NHS: variants seen among roughly 807,000 people sequenced by gnomAD.
NHS encodes actin remodeling regulator NHS.
NHS carries 5 observed loss-of-function variants against 72.5 expected under a neutral mutation model. That is an observed-to-expected ratio of 0.07 (90% CI 0.04 to 0.14). NHS has a LOEUF of 0.14. NHS is among the 10% of genes least tolerant of loss of function. NHS has a pLI of 1.00. For synonymous variants in NHS, 464 were observed against 547.7 expected (o/e 0.85, Z 2.13); for missense variants, 1,072 against 1,355.7 (o/e 0.79, Z 3.29).
At chrX:17,641,703 T>G (rs967478873) in intron 1 of NHS, among the ~76,000 whole-genome samples, 1 of 110,065 alleles carries the variant, frequency 9.1e-6, no homozygotes, top group African/African-American at 3.3e-5. Context: ...TTCAGCATTC[T>G]GTGAAAGAAC....
chrX:17,660,906 T>C (rs1333372114), intron 1 of NHS, among the ~76,000 whole-genome samples: 1 of 112,610 alleles, frequency 8.9e-6, no homozygotes, highest in East Asian at 2.8e-4. Context: ...AAGTTGAGGA[T>C]TCCCAAAGAT....
chrX:17,726,618 C>T lies in NHS; in HGVS notation c.2512C>T (p.Pro838Ser), dbSNP rs1459142294. 8.3e-7 allele frequency: 1 copy of T among 1,211,825 alleles called. No individual in the cohort carries two copies. Among genetic ancestry groups the T allele is most frequent in the Non-Finnish European group, 1.1e-6 (1 of 895,570 alleles). The change falls in exon 7 of 9, where the codon CCA becomes TCA. Residue 838 changes from proline (P) to serine (S), a missense_variant. Pro to Ser is a moderately conservative substitution (Grantham distance 74). Coordinates refer to ENST00000676302, the MANE Select transcript of NHS (RefSeq NM_001291867.2). ...CTTAGACCACAAGAGGCAGGGAAGACCAAGCATCTCTTTCAGGAAACCAAA... is the reference window on the plus strand; with the variant it reads ...CTTAGACCACAAGAGGCAGGGAAGATCAAGCATCTCTTTCAGGAAACCAAA... ...DYLDHKRQGR[P>S]SISFRKPKAK...
intron 1 of NHS, among the ~76,000 whole-genome samples, chrX:17,475,348 C>T (rs1393758842): frequency 8.9e-6 from 1 of 112,309 alleles, no homozygotes; most frequent in East Asian, 2.8e-4. Context: ...ACGAATGTCG[C>T]TCAGATAATA....
At chrX:17,521,711 A>G (rs1450764789) in intron 1 of NHS, among the ~76,000 whole-genome samples, 5 of 111,935 alleles carry the variant, frequency 4.5e-5, no homozygotes, top group African/African-American at 1.6e-4. Context: ...CTAATGCATT[A>G]TATGTTTCCA....
At chrX:17,535,699 C>T (rs949234035) in intron 1 of NHS, among the ~76,000 whole-genome samples, 1 of 111,134 alleles carries the variant, frequency 9.0e-6, no homozygotes, top group East Asian at 2.8e-4. Context: ...TTGCCTCAGC[C>T]CCCCAAGTAG....
intron 1 of NHS, among the ~76,000 whole-genome samples, chrX:17,427,636 T>G (rs1238417746): frequency 8.9e-6 from 1 of 112,060 alleles, no homozygotes; most frequent in Non-Finnish European, 1.9e-5. Context: ...GGAAAAGAAA[T>G]AAATTCTTCT....
intron 1 of NHS, among the ~76,000 whole-genome samples, chrX:17,656,053 C>G (rs2147088615): frequency 8.8e-6 from 1 of 113,451 alleles, no homozygotes; most frequent in African/African-American, 3.2e-5. Flanking sequence ...CCCCGAGAGG[C>G]CTCTCTTTTG....
intron 1 of NHS, among the ~76,000 whole-genome samples, chrX:17,664,834 G>A (rs1363973438): frequency 9.0e-6 from 1 of 111,410 alleles, no homozygotes; most frequent in Non-Finnish European, 1.9e-5. Flanking sequence ...TCAGGCCCTG[G>A]ATATGCTATA....
chrX:17,426,772 G>A (rs1601701430), intron 1 of NHS, among the ~76,000 whole-genome samples: 1 of 111,636 alleles, frequency 9.0e-6, no homozygotes, highest in African/African-American at 3.3e-5. Context: ...TGAGCAGGGT[G>A]CCTCTAAGTG....
rs774779339 is a variant in NHS, at chrX:17,697,836, A to G, written c.852+5368A>G. On this transcript the variant is annotated intron_variant, in intron 3 of 8. Coordinates refer to ENST00000676302, the MANE Select transcript of NHS (RefSeq NM_001291867.2). ...AATAAGTGGCTGTTAAAGGATACCA[A>G]TAAGAACTAGTTAACCAGATAGTAA... Among the ~76,000 whole-genome samples the G allele has an allele frequency of 3.6e-5, 4 of 110,638 alleles. No individual in the cohort carries two copies. In the South Asian group the frequency reaches 1.2e-3, roughly 32 times the overall value.
intron 3 of NHS, among the ~76,000 whole-genome samples, chrX:17,703,225 G>A (rs1326160439): frequency 8.9e-6 from 1 of 111,973 alleles, no homozygotes. Flanking sequence ...TTGAGCCCAG[G>A]AGGCAAAGGC....
At chrX:17,412,053 G>A (rs1306373266) in intron 1 of NHS, among the ~76,000 whole-genome samples, 1 of 110,700 alleles carries the variant, frequency 9.0e-6, no homozygotes, top group Non-Finnish European at 1.9e-5. Flanking sequence ...AAGTGATAAA[G>A]AATGATGGTA....
intron 1 of NHS, among the ~76,000 whole-genome samples, chrX:17,587,852 A>G (rs766297440): frequency 1.3e-3 from 149 of 112,498 alleles, no homozygotes; most frequent in African/African-American, 4.2e-3. Flanking sequence ...TCTATAATAG[A>G]CCTAGGGAAC....
At chrX:17,557,986 C>A (rs934537927) in intron 1 of NHS, among the ~76,000 whole-genome samples, 2 of 111,403 alleles carry the variant, frequency 1.8e-5, no homozygotes, top group Admixed American at 9.5e-5. Context: ...AACCTACTTA[C>A]AAAAGTGACA....
chrX:17,555,208 G>A (rs1368392271), intron 1 of NHS, among the ~76,000 whole-genome samples: 1 of 109,164 alleles, frequency 9.2e-6, no homozygotes, highest in African/African-American at 3.4e-5. Context: ...CAGGAAGTGG[G>A]GTGGGGCTGG....
Position 17,726,840 on chromosome X carries a change from C to G in NHS, c.2734C>G (p.Pro912Ala), listed in dbSNP as rs2066448269. The change falls in exon 7 of 9, where the codon CCT (proline) becomes GCT (alanine). Residue 912 changes from proline to alanine, a missense_variant. Coordinates refer to ENST00000676302, the MANE Select transcript of NHS (RefSeq NM_001291867.2). ...CGCCAATCTTCCCACCAAGCAGGAA[C>G]CTTCTTGGATAAACCAGAGTGAACA... ...ENANLPTKQE[P>A]SWINQSEQGI... is the part of the protein sequence containing the mutation. The G allele has an allele frequency of 8.3e-7, 1 of 1,210,234 alleles. No individual in the cohort carries two copies. Among genetic ancestry groups the G allele is most frequent in the African/African-American group, 1.7e-5 (1 of 57,184 alleles).
intron 1 of NHS, among the ~76,000 whole-genome samples, chrX:17,563,415 A>G (rs1648433307): frequency 1.8e-5 from 2 of 112,644 alleles, no homozygotes; most frequent in South Asian, 7.3e-4. Flanking sequence ...CGAAGCACCA[A>G]TAATGTGGAG....
chrX:17,482,587 G>C (rs184068770), intron 1 of NHS, among the ~76,000 whole-genome samples: 1 of 111,643 alleles, frequency 9.0e-6, no homozygotes, highest in Admixed American at 9.6e-5. Flanking sequence ...CATGTTTCCA[G>C]GACTCCAGAC....
chrX:17,651,175 G>C (rs979348833), intron 1 of NHS, among the ~76,000 whole-genome samples: 1 of 112,100 alleles, frequency 8.9e-6, no homozygotes, highest in African/African-American at 3.3e-5. Context: ...TTAATGGACA[G>C]ATGTTTCCCA....
Sources: gnomAD v4.1 joint callset for allele counts (sites outside exome capture counted in the v4.1 genomes callset) on GRCh38, gnomAD v4.1.1 for gene constraint, MANE v1.5 for transcripts, NCBI Gene and HGNC (gene_info 2026-07-23, HGNC 2026-07-21) for gene names.